The following CAMK4 variants were observed in gnomAD, a reference collection of about 807,000 sequenced individuals.
CAMK4 encodes calcium/calmodulin dependent protein kinase IV, also known as calcium/calmodulin-dependent protein kinase type IV.
A neutral mutation model predicts 44.9 loss-of-function variants in CAMK4; 22 were observed. That is an observed-to-expected ratio of 0.49 (90% CI 0.35 to 0.70). The LOEUF (loss-of-function observed/expected upper bound fraction) is 0.70. CAMK4 is among the 30% of genes least tolerant of loss of function. The pLI is 0.01. For missense variants in CAMK4, 498 were observed against 586.8 expected, an observed-to-expected ratio of 0.85 and a Z score of 1.56; for synonymous variants, 218 against 215.4, an observed-to-expected ratio of 1.01 and a Z score of -0.11.
chr5:111,403,455 T>C (rs1046855743), intron 5 of CAMK4, among the ~76,000 whole-genome samples: 2 of 152,178 alleles, frequency 1.3e-5, no homozygotes, highest in Non-Finnish European at 2.9e-5. Flanking sequence ...TGAGCACTGA[T>C]CTTTGGAGGA....
At position 111,434,481 on chromosome 5, in the gene CAMK4, C is replaced by T. The variant is rs75917421; in HGVS notation, c.460-12205C>T. The stretch of plus-strand genomic sequence containing the variant: ...AAAACAAGTAAGAATGTCTCAGGGG[C>T]CCCGAAGCTTGGCTACTTTGCCCGA... On this transcript the variant is annotated intron_variant, in intron 5 of 10. Transcript: ENST00000282356. 6.0e-3 allele frequency among the ~76,000 whole-genome samples: 909 copies of T among 152,234 alleles called. 7 individuals are homozygous for T. The highest frequency in any genetic ancestry group is 0.02 in the African/African-American group (842 of 41,534).
intron 1 of CAMK4, among the ~76,000 whole-genome samples, chr5:111,258,469 G>A (rs1214083628): frequency 6.6e-6 from 1 of 152,104 alleles, no homozygotes; most frequent in East Asian, 1.9e-4. Flanking sequence ...AATCATGGTG[G>A]GAGGTGAAAG....
rs1755972938 is a variant in CAMK4 at position 111,494,183 on chromosome 5, C to G, written c.*9717C>G. Reference sequence around the variant, plus strand: ...ATCTCCAATAGTTTAGGCTGCAAGTCAGTAGCCAAACACAAGAGCATGTAA... The same window carrying G: ...ATCTCCAATAGTTTAGGCTGCAAGTGAGTAGCCAAACACAAGAGCATGTAA... On this transcript the variant is annotated 3_prime_UTR_variant, in exon 11 of 11. Coordinates refer to ENST00000282356, the MANE Select transcript of CAMK4 (RefSeq NM_001744.6). 1 of 152,144 alleles carries G rather than the reference C, an allele frequency of 6.6e-6. No homozygotes were observed. The highest frequency in any genetic ancestry group is 6.6e-5 in the Admixed American group (1 of 15,264). 9.4% of individuals were successfully genotyped at this position (152,144 alleles called of 1,614,324 possible). A position where few individuals can be genotyped will look rare whatever the true frequency, so the allele number is the denominator to read the frequency against.
chr5:111,374,805 A>AG (rs769854221), intron 2 of CAMK4, 45 bp from the exon 3 acceptor site: 8 of 1,174,088 alleles, frequency 6.8e-6, no homozygotes, highest in South Asian at 6.1e-5. Flanking sequence ...GCTACAATGA[A>AG]GGGGGGAGTT....
intron 1 of CAMK4, among the ~76,000 whole-genome samples, chr5:111,292,481 C>G (rs1271897183): frequency 6.6e-6 from 1 of 151,946 alleles, no homozygotes; most frequent in Non-Finnish European, 1.5e-5. Flanking sequence ...TAAATGAGGA[C>G]ACATACAGTA....
In CAMK4 at chr5:111,376,694, G is replaced by C. The variant is rs73216006; in HGVS notation, c.304-166G>C. On this transcript the variant is annotated intron_variant, in intron 3 of 10. Coordinates refer to ENST00000282356, the MANE Select transcript of CAMK4 (RefSeq NM_001744.6). ...GGTAACTGATAAAATCAACAACCCA[G>C]AAAGAGAGTGAGAAATAGCTAGCTG... is the stretch of plus-strand genomic sequence containing the variant. 1.7e-3 allele frequency among the ~76,000 whole-genome samples: 255 copies of C among 152,182 alleles called. 2 individuals are homozygous for C. The highest frequency in any genetic ancestry group is 5.8e-3 in the African/African-American group (239 of 41,540).
chr5:111,419,106 T>A (rs956607267), intron 5 of CAMK4, among the ~76,000 whole-genome samples: 2 of 152,182 alleles, frequency 1.3e-5, no homozygotes, highest in African/African-American at 4.8e-5. Context: ...CAGCACCTGT[T>A]GTTTCCTGAA....
At chr5:111,309,800 A>G (rs1324389070) in intron 1 of CAMK4, among the ~76,000 whole-genome samples, 1 of 152,090 alleles carries the variant, frequency 6.6e-6, no homozygotes, top group Non-Finnish European at 1.5e-5. Context: ...TGTGGGTTGG[A>G]TATGGGACTT....
intron 7 of CAMK4, among the ~76,000 whole-genome samples, chr5:111,469,221 AAAT>A (rs1754976818): frequency 7.0e-6 from 1 of 142,532 alleles, no homozygotes; most frequent in Non-Finnish European, 1.5e-5. Context: ...AAGTTATTGA[AAAT>A]AATATCTAAT....
intron 7 of CAMK4, among the ~76,000 whole-genome samples, chr5:111,450,191 A>G (rs926117899): frequency 2.0e-5 from 3 of 152,078 alleles, no homozygotes; most frequent in East Asian, 3.9e-4. Context: ...TTAGCCAGGT[A>G]TGATGGTGCA....
At chr5:111,392,708 A>G (rs531199780) in intron 4 of CAMK4, among the ~76,000 whole-genome samples, 1 of 152,312 alleles carries the variant, frequency 6.6e-6, no homozygotes, top group Non-Finnish European at 1.5e-5. Context: ...GAATATGAAC[A>G]TATGTACATA....
At chr5:111,393,457 C>CT (rs151258820) in intron 4 of CAMK4, among the ~76,000 whole-genome samples, 2,445 of 152,118 alleles carry the variant, frequency 0.016, 60 homozygotes, top group African/African-American at 0.055. Flanking sequence ...TTCTCTGCCC[C>CT]TTTTTTTAAT....
intron 4 of CAMK4, among the ~76,000 whole-genome samples, chr5:111,378,992 T>C (rs549762823): frequency 9.6e-3 from 395 of 41,306 alleles, no homozygotes; most frequent in South Asian, 0.029. Context: ...CAACACCTCT[T>C]TAGCTGACTT....
intron 1 of CAMK4, among the ~76,000 whole-genome samples, chr5:111,281,089 A>G (rs182447859): frequency 8.4e-4 from 128 of 152,270 alleles, no homozygotes; most frequent in African/African-American, 3.0e-3. Context: ...GGAAAGTTCT[A>G]TTTCTCTGTT....
At chr5:111,342,483 G>A (rs1749685521) in intron 1 of CAMK4, among the ~76,000 whole-genome samples, 1 of 151,224 alleles carries the variant, frequency 6.6e-6, no homozygotes, top group Non-Finnish European at 1.5e-5. Flanking sequence ...CCAACCTAAT[G>A]TATCATTTTA....
intron 1 of CAMK4, among the ~76,000 whole-genome samples, chr5:111,265,515 C>G (rs1264201627): frequency 6.6e-6 from 1 of 152,188 alleles, no homozygotes; most frequent in East Asian, 1.9e-4. Context: ...CTAAGAACCT[C>G]TAAAATTTAG....
At chr5:111,311,678 G>A (rs1419582094) in intron 1 of CAMK4, among the ~76,000 whole-genome samples, 1 of 152,136 alleles carries the variant, frequency 6.6e-6, no homozygotes, top group Admixed American at 6.5e-5. Context: ...GGGAATTTTT[G>A]CAAAGCCTTC....
intron 7 of CAMK4, among the ~76,000 whole-genome samples, chr5:111,466,571 C>A (rs1754842808): frequency 6.6e-6 from 1 of 152,098 alleles, no homozygotes; most frequent in African/African-American, 2.4e-5. Context: ...AGATGAGAAT[C>A]AAATAAAGAA....
chr5:111,387,725 C>T (rs1215019187), intron 4 of CAMK4, among the ~76,000 whole-genome samples: 2 of 152,158 alleles, frequency 1.3e-5, no homozygotes, highest in Non-Finnish European at 2.9e-5. Flanking sequence ...TAAATATTTA[C>T]TTACTATGGG....
Sources: gnomAD v4.1 joint callset for allele counts (sites outside exome capture counted in the v4.1 genomes callset) on GRCh38, gnomAD v4.1.1 for gene constraint, MANE v1.5 for transcripts, NCBI Gene and HGNC (gene_info 2026-07-23, HGNC 2026-07-21) for gene names.